LRBA: variants seen among roughly 807,000 people sequenced by gnomAD.
The protein encoded by LRBA is lipopolysaccharide-responsive and beige-like anchor protein.
In LRBA, 176 loss-of-function variants were observed where a neutral mutation model predicts 330.0. The ratio of observed to expected loss-of-function variants is 0.53; its 90% confidence interval spans 0.47 to 0.60. The LOEUF is 0.60. Ranked by LOEUF, LRBA falls within the 20% of genes least tolerant of loss-of-function variation. The pLI is 0.00. For synonymous variants in LRBA, 1,230 were observed against 1,193.0 expected, an observed-to-expected ratio of 1.03 and a Z score of -0.64; for missense variants, 3,259 against 3,444.8, an observed-to-expected ratio of 0.95 and a Z score of 1.35.
At chr4:150,879,839 T>C (rs1446104006) in intron 17 of LRBA, among the ~76,000 whole-genome samples, 2 of 152,180 alleles carry the variant, frequency 1.3e-5, no homozygotes, top group Non-Finnish European at 2.9e-5. Context: ...ACAGATTCCA[T>C]ACTATTCCTA....
At position 150,321,521 on chromosome 4, in the gene LRBA, G is replaced by A. The variant is rs1732515742; in HGVS notation, c.7453-153C>T. 1.7e-6 allele frequency: 1 copy of A among 587,172 alleles called. No homozygotes were observed. The allele number at this position is 587,172 out of a possible 1,614,324, so 36.4% of individuals were successfully genotyped here. ...AAGTGGAAGCACAGTGAGCAGAAAG[G>A]CTTGTAGAAACAGCAGTCATGATCT... is the stretch of plus-strand genomic sequence containing the variant. On this transcript the variant is annotated intron_variant, in intron 49 of 56. Transcript: ENST00000651943. The surrounding 1 kb of genome is among the most constrained non-coding windows in gnomAD (Gnocchi z 4.5).
At chr4:150,917,245 T>C (rs1210804343) in intron 5 of LRBA, among the ~76,000 whole-genome samples, 1 of 151,892 alleles carries the variant, frequency 6.6e-6, no homozygotes, top group Non-Finnish European at 1.5e-5. Flanking sequence ...TTTTTAATTT[T>C]CCCTAATACA....
chr4:150,935,836 T>TA (rs1735031604), intron 2 of LRBA, among the ~76,000 whole-genome samples: 2 of 151,922 alleles, frequency 1.3e-5, no homozygotes, highest in Admixed American at 6.5e-5. Context: ...ATTTTCATTT[T>TA]AAAAAATTAA....
chr4:150,674,871 T>C (rs938857332), intron 37 of LRBA, among the ~76,000 whole-genome samples: 3 of 151,814 alleles, frequency 2.0e-5, no homozygotes, highest in Non-Finnish European at 2.9e-5. Context: ...CAAGACCCAG[T>C]CTCAAAACGA....
intron 22 of LRBA, among the ~76,000 whole-genome samples, chr4:150,866,189 T>C (rs1188735554): frequency 6.6e-6 from 1 of 152,206 alleles, no homozygotes; most frequent in Admixed American, 6.5e-5. Flanking sequence ...TCCTTCTGAG[T>C]AATGAAAAAG....
chr4:150,505,185 A>G (rs1396151709), intron 40 of LRBA, among the ~76,000 whole-genome samples: 1 of 152,204 alleles, frequency 6.6e-6, no homozygotes, highest in African/African-American at 2.4e-5. Context: ...CAGAAAGTTA[A>G]CAAGGATACC....
intron 37 of LRBA, among the ~76,000 whole-genome samples, chr4:150,600,078 A>G (rs566565713): frequency 2.6e-5 from 4 of 152,188 alleles, no homozygotes; most frequent in Admixed American, 2.6e-4. Flanking sequence ...TTGTTAACTA[A>G]TCATGATCTA....
intron 2 of LRBA, among the ~76,000 whole-genome samples, chr4:151,005,949 G>A (rs771508644): frequency 3.3e-5 from 5 of 151,386 alleles, no homozygotes; most frequent in Non-Finnish European, 7.4e-5. Flanking sequence ...ATTCAAAATT[G>A]TACAATGAAA....
At chr4:150,775,497 ACAC>A (rs775793580) in intron 34 of LRBA, among the ~76,000 whole-genome samples, 2,146 of 15,112 alleles carry the variant, frequency 0.14, 54 homozygotes, top group Non-Finnish European at 0.39. Context: ...ACACACACAC[ACAC>A]ACAGTGATTG....
At chr4:150,385,788 T>A (rs1581171817) in intron 47 of LRBA, among the ~76,000 whole-genome samples, 1 of 152,024 alleles carries the variant, frequency 6.6e-6, no homozygotes, top group South Asian at 2.1e-4. Flanking sequence ...CAAGTACATT[T>A]CCAGCCAGCA....
intron 36 of LRBA, among the ~76,000 whole-genome samples, chr4:150,708,281 A>C (rs1443056134): frequency 6.6e-6 from 1 of 151,884 alleles, no homozygotes; most frequent in Non-Finnish European, 1.5e-5. Flanking sequence ...AGCATATGTT[A>C]TGAATCTCCA....
chr4:150,497,852 G>A (rs1759775040), intron 40 of LRBA, among the ~76,000 whole-genome samples: 1 of 152,072 alleles, frequency 6.6e-6, no homozygotes, highest in African/African-American at 2.4e-5. Flanking sequence ...CACAGCAAAT[G>A]ATGTATCAGC....
intron 47 of LRBA, among the ~76,000 whole-genome samples, chr4:150,392,240 T>G (rs1744079885): frequency 6.6e-6 from 1 of 152,154 alleles, no homozygotes; most frequent in African/African-American, 2.4e-5. Flanking sequence ...AACAGGAATT[T>G]TATTTCCTCA....
chr4:150,699,841 G>C (rs1220704069), intron 36 of LRBA, among the ~76,000 whole-genome samples: 1 of 152,112 alleles, frequency 6.6e-6, no homozygotes, highest in Non-Finnish European at 1.5e-5. Context: ...TGTCTCACTG[G>C]TTGGGTATTC....
At chr4:150,997,797 G>A (rs1302217443) in intron 2 of LRBA, among the ~76,000 whole-genome samples, 3 of 151,746 alleles carry the variant, frequency 2.0e-5, no homozygotes, top group African/African-American at 4.8e-5. Flanking sequence ...TCCGTCTCCC[G>A]GGTTCAAGCG....
intron 47 of LRBA, among the ~76,000 whole-genome samples, chr4:150,404,441 G>A (rs778731318): frequency 7.9e-5 from 12 of 152,106 alleles, no homozygotes; most frequent in East Asian, 1.9e-4. Context: ...AACGATGCAC[G>A]CTTTAGGGTA....
chr4:150,937,964 G>T (rs1450667540), intron 2 of LRBA, among the ~76,000 whole-genome samples: 1 of 151,664 alleles, frequency 6.6e-6, no homozygotes, highest in Non-Finnish European at 1.5e-5. Context: ...GGAATACTGT[G>T]TGACTCACAG....
chr4:150,938,645 G>A (rs368080941), intron 2 of LRBA, among the ~76,000 whole-genome samples: 18 of 152,022 alleles, frequency 1.2e-4, no homozygotes, highest in African/African-American at 3.4e-4. Context: ...TTCCAGCTAC[G>A]CTCCTTCCTA....
chr4:150,687,407 T>TG (rs1783721410), intron 36 of LRBA, among the ~76,000 whole-genome samples: 2 of 152,120 alleles, frequency 1.3e-5, no homozygotes, highest in Admixed American at 1.3e-4. Flanking sequence ...CGGTCAAATC[T>TG]AAAACTTTCA....
Sources: allele counts gnomAD v4.1 joint callset (sites outside exome capture counted in the v4.1 genomes callset), GRCh38; gene constraint gnomAD v4.1.1; non-coding constraint Gnocchi (gnomAD v3.1); transcripts MANE v1.5; gene names NCBI Gene and HGNC (gene_info 2026-07-23, HGNC 2026-07-21).